The following LONRF1 variants were observed in gnomAD, a reference collection of about 807,000 sequenced individuals.
LONRF1 encodes the protein LON peptidase N-terminal domain and RING finger protein 1.
Under a neutral mutation model 85.8 loss-of-function variants are expected in LONRF1, and 37 were observed. The ratio of observed to expected loss-of-function variants is 0.43; its 90% CI spans 0.33 to 0.57. LONRF1 has a LOEUF of 0.57. Among genes scored for constraint, LONRF1 ranks in the 20% least tolerant of loss-of-function variants. The pLI, the probability that LONRF1 is intolerant of heterozygous loss-of-function variation, is 0.04. For synonymous variants in LONRF1, 517 were observed against 390.1 expected (o/e 1.33, Z -3.83); for missense variants, 1,036 against 978.0 (o/e 1.06, Z -0.79).
At chr8:12,731,205 G>C (rs1280327282) in intron 8 of LONRF1, among the ~76,000 whole-genome samples, 2 of 152,068 alleles carry the variant, frequency 1.3e-5, no homozygotes, top group East Asian at 1.9e-4. Flanking sequence ...TTGCCTCCGA[G>C]ATTTTCACCC....
chr8:12,742,378 C>A (rs567824858), intron 2 of LONRF1, among the ~76,000 whole-genome samples: 3 of 152,208 alleles, frequency 2.0e-5, no homozygotes, highest in African/African-American at 4.8e-5. Flanking sequence ...AAAGGAGAAT[C>A]TGTAAACTGA....
At chr8:12,734,559 T>C (rs4431597) in intron 7 of LONRF1, among the ~76,000 whole-genome samples, 3,024 of 152,306 alleles carry the variant, frequency 0.02, 49 homozygotes, top group South Asian at 0.096. Context: ...GAGGGTGCTC[T>C]CTTCTCATCA....
In LONRF1 at chr8:12,754,548, C is replaced by G. The variant is rs1031262624; in HGVS notation, c.721+152G>C. On this transcript the variant is annotated intron_variant, in intron 1 of 11. Coordinates refer to ENST00000398246, the MANE Select transcript of LONRF1 (RefSeq NM_152271.5). ...CCCCGGGGCGCCGCCCCCTCCCACA[C>G]CCCCCAGCACCCCGAGACCCGACAC... The G allele has an allele frequency of 4.4e-5, 39 of 878,834 alleles. No individual in the cohort carries two copies. The East Asian group carries it at 8.9e-4, about 20-fold the overall frequency. 54.4% of individuals were successfully genotyped at this position (878,834 alleles called of 1,614,324 possible).
chr8:12,752,661 A>G (rs1320374808), intron 1 of LONRF1, among the ~76,000 whole-genome samples: 1 of 152,216 alleles, frequency 6.6e-6, no homozygotes, highest in Non-Finnish European at 1.5e-5. Context: ...GTTAAACATA[A>G]TATCCTCGAT....
intron 1 of LONRF1, 65 bp downstream of exon 1, chr8:12,754,635 G>C: frequency 8.0e-7 from 1 of 1,255,460 alleles, no homozygotes; most frequent in Non-Finnish European, 1.0e-6. Context: ...CAAGCTCCGG[G>C]TCCCCGGCCC....
chr8:12,726,180 G>C (rs1798291425), intron 10 of LONRF1, among the ~76,000 whole-genome samples: 1 of 152,188 alleles, frequency 6.6e-6, no homozygotes, highest in Non-Finnish European at 1.5e-5. Flanking sequence ...GTGAGTTCTG[G>C]TTCAGAGGTC....
chr8:12,747,776 G>C (rs1013227993), intron 1 of LONRF1, among the ~76,000 whole-genome samples: 1 of 147,216 alleles, frequency 6.8e-6, no homozygotes, highest in African/African-American at 2.6e-5. Flanking sequence ...TTTTTTTTTA[G>C]AAAACTGGCT....
intron 8 of LONRF1, among the ~76,000 whole-genome samples, chr8:12,731,475 G>C (rs867444659): frequency 6.6e-6 from 1 of 151,160 alleles, no homozygotes; most frequent in Admixed American, 6.6e-5. Context: ...CCATTCCACT[G>C]CCTGATGGCA....
chr8:12,744,637 C>G (rs555634717), intron 1 of LONRF1, among the ~76,000 whole-genome samples: 10 of 152,142 alleles, frequency 6.6e-5, no homozygotes, highest in African/African-American at 1.9e-4. Flanking sequence ...TCATGCAATA[C>G]TGACTTGTCA....
At chr8:12,729,095 G>T (rs962656663) in intron 9 of LONRF1, 32 bp from the exon 10 acceptor site, 6 of 1,612,402 alleles carry the variant, frequency 3.7e-6, no homozygotes, top group Non-Finnish European at 5.1e-6. Flanking sequence ...TAACAAAGTT[G>T]AAACATAAAC....
At chr8:12,753,098 G>C (rs1002964199) in intron 1 of LONRF1, 1 of 152,218 alleles carries the variant, frequency 6.6e-6, no homozygotes, top group East Asian at 1.9e-4. Flanking sequence ...GAGAAGCAGA[G>C]TCATGTGTAT....
intron 10 of LONRF1, among the ~76,000 whole-genome samples, chr8:12,728,646 C>G (rs1489389517): frequency 6.6e-6 from 1 of 152,210 alleles, no homozygotes; most frequent in Admixed American, 6.5e-5. Context: ...TATACACATA[C>G]ATTCTAGGCA....
intron 7 of LONRF1, among the ~76,000 whole-genome samples, chr8:12,734,956 G>A (rs1045560103): frequency 1.3e-5 from 2 of 152,032 alleles, no homozygotes; most frequent in African/African-American, 4.8e-5. Flanking sequence ...TTGAGGGTTG[G>A]AGGCAGGGCA....
rs1471749007 is a variant in LONRF1 at position 12,722,404 on chromosome 8, T to C, written c.*692A>G. On this transcript the variant is annotated 3_prime_UTR_variant, in exon 12 of 12. Coordinates refer to ENST00000398246, the MANE Select transcript of LONRF1 (RefSeq NM_152271.5). ...TTTTATGAATAGATGCACAGTACCA[T>C]GTCAGGTTTACAATTGTTCCTGAAA... 6.6e-6 allele frequency: 1 copy of C among 152,668 alleles called. No individual in the cohort carries two copies. Among genetic ancestry groups the C allele is most frequent in the Non-Finnish European group, 1.5e-5 (1 of 68,034 alleles). The allele number at this position is 152,668 out of a possible 1,614,324, so 9.5% of individuals were successfully genotyped here. A position where few individuals can be genotyped will look rare whatever the true frequency, so the allele number is the denominator to read the frequency against.
At chr8:12,725,102 AC>A (rs1301298887) in intron 11 of LONRF1, among the ~76,000 whole-genome samples, 5 of 152,206 alleles carry the variant, frequency 3.3e-5, no homozygotes, top group Non-Finnish European at 4.4e-5. Context: ...CAGGAGCCAG[AC>A]CCTTCTTTTA....
chr8:12,738,007 A>G lies in LONRF1; in HGVS notation c.1101T>C (p.Pro367=), dbSNP rs1798787207. The change falls in exon 4 of 12, where the codon CCT becomes CCC. Residue 367 remains proline, a synonymous_variant. Coordinates refer to ENST00000398246, the MANE Select transcript of LONRF1 (RefSeq NM_152271.5). ...TCTCACCCCGTACCTGCTTTGGGCT[A>G]GGTTCATTGAGAGACTGAGACTCTT... The part of the protein sequence containing the change: ...VMEESQSLNE[P]SPKQSEEIPE... 1 of 1,606,784 alleles carries G rather than the reference A, an allele frequency of 6.2e-7. No homozygotes were observed. Among genetic ancestry groups the G allele is most frequent in the African/African-American group, 1.3e-5 (1 of 74,568 alleles).
rs151045213 is a variant in LONRF1, at chr8:12,749,336, A to G, written c.721+5364T>C. ...AAGGTGGGTCAAGGGGATGGGAAGC[A>G]AAAGACCTTACCAAAGGGAAAGAAA... On this transcript the variant is annotated intron_variant, in intron 1 of 11. Coordinates refer to ENST00000398246, the MANE Select transcript of LONRF1 (RefSeq NM_152271.5). Among the ~76,000 whole-genome samples the G allele has an allele frequency of 4.4e-3, 663 of 152,306 alleles. 9 individuals are homozygous for G. The highest frequency in any genetic ancestry group is 4.0e-3 in the Non-Finnish European group (271 of 68,020).
intron 1 of LONRF1, chr8:12,753,151 A>T (rs567670626): frequency 1.3e-5 from 2 of 152,020 alleles, no homozygotes; most frequent in African/African-American, 4.8e-5. Context: ...TTCTGAGCCT[A>T]CCTTTCTATT....
chr8:12,731,890 T>C (rs1382776122), intron 7 of LONRF1, 33 bp from the exon 8 acceptor site: 1 of 1,600,394 alleles, frequency 6.2e-7, no homozygotes, highest in South Asian at 1.1e-5. Flanking sequence ...ATTCCAGCAG[T>C]GGTTTTCCTA....
Sources: allele counts gnomAD v4.1 joint callset (sites outside exome capture counted in the v4.1 genomes callset), GRCh38; gene constraint gnomAD v4.1.1; transcripts MANE v1.5; gene names NCBI Gene and HGNC (gene_info 2026-07-23, HGNC 2026-07-21).